MBP: variants seen among roughly 807,000 people sequenced by gnomAD.
MBP encodes Golli-MBP.
A neutral mutation model predicts 35.8 loss-of-function variants in MBP; 16 were observed. That is an observed-to-expected ratio of 0.45 (90% CI 0.30 to 0.68). The LOEUF (loss-of-function observed/expected upper bound fraction) is 0.68. MBP is among the 30% of genes least tolerant of loss of function. The pLI, the probability that MBP is intolerant of heterozygous loss-of-function variation, is 0.08. For synonymous variants in MBP, 143 were observed against 159.6 expected, an observed-to-expected ratio of 0.90 and a Z score of 0.78; for missense variants, 380 against 404.7, an observed-to-expected ratio of 0.94 and a Z score of 0.52.
intron 2 of MBP, among the ~76,000 whole-genome samples, chr18:77,100,508 GGTGTGTGTGTGTGTGTGTGTGTGT>G (rs57715344): frequency 7.5e-6 from 1 of 133,606 alleles, no homozygotes; most frequent in African/African-American, 2.7e-5. Flanking sequence ...TAGAATTTGG[GGTGTGTGTGTGTGTGTGTGTGTGT>G]GTGTGTGTGT....
intron 2 of MBP, among the ~76,000 whole-genome samples, chr18:77,084,819 T>A (rs1006470042): frequency 7.9e-5 from 12 of 152,156 alleles, no homozygotes; most frequent in Admixed American, 5.2e-4. Context: ...CATCAGACTG[T>A]TTATCAAGGT....
In MBP at chr18:77,131,063, A is replaced by G. The variant is rs1215746644; in HGVS notation, c.-26+1517T>C. ...AAAACAAAACCTCAAAAAACAAAACACACACACGCGCGCACGCACGCGCAC... is the reference window on the plus strand; with the variant it reads ...AAAACAAAACCTCAAAAAACAAAACGCACACACGCGCGCACGCACGCGCAC... On this transcript the variant is annotated intron_variant, in intron 1 of 8. Transcript: ENST00000355994. This position sits in a 1 kb window ranked among gnomAD's most constrained non-coding sequence, Gnocchi z 5.5. 1.0e-5 allele frequency among the ~76,000 whole-genome samples: 1 copy of G among 97,160 alleles called. No individual in the cohort carries two copies. Among genetic ancestry groups the G allele is most frequent in the Non-Finnish European group, 1.9e-5 (1 of 53,522 alleles). The allele number at this position is 97,160 out of a possible 152,430, so 63.7% of individuals were successfully genotyped here.
intron 4 of MBP, among the ~76,000 whole-genome samples, chr18:76,997,611 G>A (rs1177253884): frequency 6.6e-6 from 1 of 152,234 alleles, no homozygotes; most frequent in Non-Finnish European, 1.5e-5. Flanking sequence ...CCAGGAGCAC[G>A]CCTCGGTGTC....
intron 2 of MBP, among the ~76,000 whole-genome samples, chr18:77,080,177 C>T (rs569987402): frequency 2.0e-5 from 3 of 152,288 alleles, no homozygotes; most frequent in Admixed American, 1.3e-4. Flanking sequence ...TAGTTTTATT[C>T]TTGCTCTAGA....
chr18:77,115,525 C>T (rs1056265112), intron 1 of MBP: 4 of 152,230 alleles, frequency 2.6e-5, no homozygotes, highest in Admixed American at 6.5e-5. Context: ...GATCTGAAAT[C>T]TCCAGATTCT....
chr18:77,033,406 A>T (rs530611444), intron 3 of MBP, among the ~76,000 whole-genome samples: 2 of 152,294 alleles, frequency 1.3e-5, no homozygotes, highest in Admixed American at 1.3e-4. Context: ...TGCTCTGATG[A>T]GCGCTTGCAG....
intron 2 of MBP, among the ~76,000 whole-genome samples, chr18:77,096,732 T>G (rs1459105436): frequency 6.6e-6 from 1 of 152,210 alleles, no homozygotes; most frequent in Non-Finnish European, 1.5e-5. Context: ...GACTTATTGC[T>G]TGTTAGGTTT....
intron 2 of MBP, among the ~76,000 whole-genome samples, chr18:77,079,961 C>T (rs1424355640): frequency 2.0e-5 from 3 of 152,092 alleles, no homozygotes; most frequent in East Asian, 1.9e-4. Flanking sequence ...GTGCAAGAAG[C>T]GAGAATCAAG....
intron 3 of MBP, among the ~76,000 whole-genome samples, chr18:77,058,853 A>G (rs1052700653): frequency 7.2e-5 from 11 of 152,146 alleles, no homozygotes; most frequent in African/African-American, 2.4e-4. Flanking sequence ...GCAGTTCAAC[A>G]TTTTCCGGGG....
chr18:77,069,602 G>A (rs1003485167), intron 2 of MBP, among the ~76,000 whole-genome samples: 7 of 152,296 alleles, frequency 4.6e-5, no homozygotes, highest in African/African-American at 1.2e-4. Flanking sequence ...GAAATGAGGC[G>A]TTTCAGATGC....
intron 2 of MBP, among the ~76,000 whole-genome samples, chr18:77,099,398 G>A (rs1975907942): frequency 6.6e-6 from 1 of 152,160 alleles, no homozygotes; most frequent in Non-Finnish European, 1.5e-5. Context: ...GGACTTCATG[G>A]GAGAAGAATT....
chr18:77,028,767 T>C (rs1160914257), intron 3 of MBP, among the ~76,000 whole-genome samples: 2 of 98,454 alleles, frequency 2.0e-5, no homozygotes, highest in African/African-American at 2.9e-5. Context: ...CCCACCTCCC[T>C]CCCGGACGGG....
At chr18:77,079,377 A>C (rs1974796102) in intron 2 of MBP, among the ~76,000 whole-genome samples, 2 of 152,344 alleles carry the variant, frequency 1.3e-5, no homozygotes, top group East Asian at 1.9e-4. Flanking sequence ...CTTAGGGCAA[A>C]GCTCAAACAT....
intron 7 of MBP, chr18:76,986,568 C>G (rs953023887): frequency 1.0e-6 from 1 of 985,608 alleles, no homozygotes; most frequent in Non-Finnish European, 1.2e-6. Flanking sequence ...ACAGTTGATT[C>G]GGGGGCTATC....
intron 2 of MBP, among the ~76,000 whole-genome samples, chr18:77,070,177 C>T (rs543768183): frequency 1.1e-4 from 16 of 152,266 alleles, no homozygotes; most frequent in East Asian, 5.8e-4. Flanking sequence ...TTCCTGCAGA[C>T]GGGGCTCAGA....
intron 3 of MBP, among the ~76,000 whole-genome samples, chr18:77,041,260 T>C (rs1018233487): frequency 7.9e-5 from 12 of 152,136 alleles, no homozygotes; most frequent in Non-Finnish European, 1.6e-4. Context: ...ATGGTGATCA[T>C]TAAAAACTCA....
chr18:77,021,826 CCTTT>C (rs1972001392), intron 3 of MBP, among the ~76,000 whole-genome samples: 1 of 152,124 alleles, frequency 6.6e-6, no homozygotes, highest in African/African-American at 2.4e-5. Flanking sequence ...CAATGCAGCT[CCTTT>C]CTTTATTTCT....
chr18:76,985,066 G>T (rs12953712), intron 7 of MBP, 172 bp from the exon 8 acceptor site: 2 of 1,493,756 alleles, frequency 1.3e-6, no homozygotes. Context: ...GGGCGGGAGA[G>T]GCTGCTCCCC....
chr18:77,082,917 G>A (rs1975026032), intron 2 of MBP, among the ~76,000 whole-genome samples: 1 of 128,188 alleles, frequency 7.8e-6, no homozygotes, highest in Non-Finnish European at 1.7e-5. Context: ...TAACATTTAA[G>A]GAGACTAACT....
Sources: allele counts gnomAD v4.1 joint callset (sites outside exome capture counted in the v4.1 genomes callset), GRCh38; gene constraint gnomAD v4.1.1; non-coding constraint Gnocchi (gnomAD v3.1); transcripts MANE v1.5; gene names NCBI Gene and HGNC (gene_info 2026-07-23, HGNC 2026-07-21).